The following TRAF3 variants were observed in gnomAD, a reference collection of about 807,000 sequenced individuals.
TRAF3 encodes the protein TNF receptor-associated factor 3.
Under a neutral mutation model 62.3 loss-of-function variants are expected in TRAF3, and 13 were observed. That is an observed-to-expected ratio of 0.21 (90% CI 0.14 to 0.33). TRAF3 has a LOEUF of 0.33. Among genes scored for constraint, TRAF3 ranks in the 10% least tolerant of loss-of-function variants. The probability of loss-of-function intolerance (pLI) is 1.00; values close to 1 mark genes in which losing one functional copy is unlikely to be tolerated. For synonymous variants in TRAF3, 269 were observed against 283.4 expected (o/e 0.95, Z 0.51); for missense variants, 440 against 741.8 (o/e 0.59, Z 4.73).
At chr14:102,858,298 C>T (rs540639063) in intron 2 of TRAF3, among the ~76,000 whole-genome samples, 3 of 152,060 alleles carry the variant, frequency 2.0e-5, no homozygotes, top group East Asian at 1.9e-4. Flanking sequence ...CTTACAGGTA[C>T]GCACCACCAC....
intron 1 of TRAF3, among the ~76,000 whole-genome samples, chr14:102,822,732 G>A (rs1004224623): frequency 4.6e-5 from 7 of 152,200 alleles, no homozygotes; most frequent in Non-Finnish European, 7.3e-5. Flanking sequence ...CTGGCCGGGC[G>A]CTGTGGCTTA....
rs775270353 is a variant in TRAF3 at position 102,886,255 on chromosome 14, C to G, written c.637C>G (p.Leu213Val). Residue 213 changes from leucine (L) to valine (V), a missense_variant, in exon 7 of 12, where the codon CTC (leucine) becomes GTC (valine). Around this residue, in one of 6 missense-constraint regions of TRAF3, gnomAD observed 255 missense variants for 424.1 expected, o/e 0.60. Transcript: ENST00000392745. ...CCCTCACAAGTGCAGCGTCCAGACTCTCCTGAGGAGCGAGGTAGGGGCGGC... is the reference window on the plus strand; with the variant it reads ...CCCTCACAAGTGCAGCGTCCAGACTGTCCTGAGGAGCGAGGTAGGGGCGGC... ...SCPHKCSVQT[L>V]LRSELSAHLS... The G allele has an allele frequency of 5.6e-6, 9 of 1,611,974 alleles. No homozygotes were observed. The highest frequency in any genetic ancestry group is 3.8e-4 in the Middle Eastern group (2 of 5,318).
chr14:102,784,308 C>T (rs1460058376), intron 1 of TRAF3, among the ~76,000 whole-genome samples: 3 of 150,984 alleles, frequency 2.0e-5, no homozygotes, highest in African/African-American at 7.3e-5. Context: ...CTGCAACCTC[C>T]GCCCCCTGGG....
chr14:102,850,533 C>A, intron 2 of TRAF3, among the ~76,000 whole-genome samples: 1 of 151,758 alleles, frequency 6.6e-6, no homozygotes, highest in East Asian at 1.9e-4. Context: ...CCTGTCTCTA[C>A]TAAAAATACA....
rs541417609 is a variant in TRAF3, at chr14:102,875,420, A to G, written c.298-204A>G. On this transcript the variant is annotated intron_variant, in intron 4 of 11. Coordinates refer to ENST00000392745, the MANE Select transcript of TRAF3 (RefSeq NM_145725.3). ...GCTTAACTAATAAAAGATAACAGTTAATGTTATTTAAATTGTGTCTCTTAG... is the reference window on the plus strand; with the variant it reads ...GCTTAACTAATAAAAGATAACAGTTGATGTTATTTAAATTGTGTCTCTTAG... 2.4e-4 allele frequency among the ~76,000 whole-genome samples: 37 copies of G among 152,176 alleles called. 1 individual carries two copies. In the South Asian group the frequency reaches 2.7e-3, roughly 11 times the overall value.
At chr14:102,859,480 A>G (rs1201065273) in intron 2 of TRAF3, among the ~76,000 whole-genome samples, 2 of 152,240 alleles carry the variant, frequency 1.3e-5, no homozygotes, top group African/African-American at 4.8e-5. Flanking sequence ...GGCCTTACCT[A>G]GAATCTAATG....
chr14:102,828,942 C>G (rs757590824), intron 1 of TRAF3, among the ~76,000 whole-genome samples: 3 of 152,294 alleles, frequency 2.0e-5, no homozygotes, highest in African/African-American at 4.8e-5. Context: ...CTTAAAAAAT[C>G]TCAGCCACTG....
At chr14:102,851,481 A>G (rs1011716599) in intron 2 of TRAF3, among the ~76,000 whole-genome samples, 4 of 152,232 alleles carry the variant, frequency 2.6e-5, no homozygotes, top group African/African-American at 9.6e-5. Context: ...GCAGTGGCTC[A>G]GGCCTGTAAT....
intron 1 of TRAF3, among the ~76,000 whole-genome samples, chr14:102,782,035 C>G (rs533979593): frequency 2.0e-4 from 31 of 152,202 alleles, no homozygotes; most frequent in African/African-American, 7.2e-4. Context: ...GTCAAGTGAT[C>G]CACCTGCCTC....
At chr14:102,811,913 C>CCTTT (rs1381571409) in intron 1 of TRAF3, among the ~76,000 whole-genome samples, 3 of 47,074 alleles carry the variant, frequency 6.4e-5, no homozygotes, top group Admixed American at 3.5e-4. Context: ...ATGCCTGGCC[C>CCTTT]TTTTTTTTTT....
At chr14:102,873,790 A>G (rs1203504139) in intron 4 of TRAF3, among the ~76,000 whole-genome samples, 1 of 152,040 alleles carries the variant, frequency 6.6e-6, no homozygotes, top group African/African-American at 2.4e-5. Context: ...TTTATGAAAG[A>G]TAAGCTTTGG....
At chr14:102,830,800 G>A (rs1900634080) in intron 2 of TRAF3, among the ~76,000 whole-genome samples, 1 of 152,198 alleles carries the variant, frequency 6.6e-6, no homozygotes, top group Admixed American at 6.5e-5. Context: ...TTCTTACAGA[G>A]AAGCTGCAGT....
chr14:102,895,078 T>A (rs890721888), intron 9 of TRAF3: 2 of 455,734 alleles, frequency 4.4e-6, no homozygotes, highest in African/African-American at 4.0e-5. Flanking sequence ...TGCAGGGATA[T>A]GAGAATAAAG....
At chr14:102,844,142 C>T (rs1315868613) in intron 2 of TRAF3, among the ~76,000 whole-genome samples, 1 of 152,198 alleles carries the variant, frequency 6.6e-6, no homozygotes, top group Non-Finnish European at 1.5e-5. Flanking sequence ...TAAACACATA[C>T]ATATGTTGTC....
At chr14:102,819,822 G>A (rs1184519855) in intron 1 of TRAF3, among the ~76,000 whole-genome samples, 1 of 152,240 alleles carries the variant, frequency 6.6e-6, no homozygotes, top group Non-Finnish European at 1.5e-5. Context: ...TTCACACTAA[G>A]TGGGACAGTG....
At chr14:102,836,917 C>A (rs1886043848) in intron 2 of TRAF3, among the ~76,000 whole-genome samples, 1 of 152,140 alleles carries the variant, frequency 6.6e-6, no homozygotes, top group Admixed American at 6.6e-5. Context: ...AAAAAACTCA[C>A]TGAGGTATAT....
At chr14:102,855,806 A>AG (rs1887329711) in intron 2 of TRAF3, among the ~76,000 whole-genome samples, 2 of 151,810 alleles carry the variant, frequency 1.3e-5, no homozygotes, top group Admixed American at 6.6e-5. Flanking sequence ...AAAAAAAAAA[A>AG]AAAGGCCAGG....
chr14:102,873,604 T>C (rs999231381), intron 4 of TRAF3, among the ~76,000 whole-genome samples: 1 of 152,204 alleles, frequency 6.6e-6, no homozygotes, highest in Non-Finnish European at 1.5e-5. Flanking sequence ...TGGAGCTGTC[T>C]GGGCCCCGGG....
At chr14:102,780,887 C>T (rs1219877514) in intron 1 of TRAF3, among the ~76,000 whole-genome samples, 1 of 152,170 alleles carries the variant, frequency 6.6e-6, no homozygotes, top group African/African-American at 2.4e-5. Flanking sequence ...AGATACTTGA[C>T]TGAGACAGAC....
Sources: gnomAD v4.1 joint callset for allele counts (sites outside exome capture counted in the v4.1 genomes callset) on GRCh38, gnomAD v4.1.1 for gene constraint, gnomAD v4.1.1 regional missense constraint, MANE v1.5 for transcripts, NCBI Gene and HGNC (gene_info 2026-07-23, HGNC 2026-07-21) for gene names.